The following TXNDC16 variants were observed in gnomAD, a reference collection of about 807,000 sequenced individuals.
TXNDC16 encodes the protein thioredoxin domain containing 16.
In TXNDC16, 74 loss-of-function variants were observed where a neutral mutation model predicts 85.6. The observed-to-expected ratio is 0.86, with a 90% CI of 0.72 to 1.05. The LOEUF (loss-of-function observed/expected upper bound fraction) is 1.05, where lower values mean the gene tolerates loss of function less well. TXNDC16 is among the 50% of genes least tolerant of loss of function. TXNDC16 has a pLI of 0.00. For missense variants in TXNDC16, 959 were observed against 947.0 expected (o/e 1.01, Z -0.17); for synonymous variants, 335 against 326.5 (o/e 1.03, Z -0.28).
At chr14:52,531,334 G>C (rs915284961) in intron 6 of TXNDC16, among the ~76,000 whole-genome samples, 1 of 152,110 alleles carries the variant, frequency 6.6e-6, no homozygotes, top group Non-Finnish European at 1.5e-5. Context: ...ACCCAAAGGA[G>C]TTGGAAACTT....
intron 16 of TXNDC16, among the ~76,000 whole-genome samples, chr14:52,459,232 A>G (rs2035601066): frequency 1.3e-5 from 2 of 152,256 alleles, no homozygotes; most frequent in Middle Eastern, 6.8e-3. Flanking sequence ...TCTGTTTTTT[A>G]GCTCTGTCAG....
At chr14:52,548,237 A>G (rs1413533365) in intron 1 of TXNDC16, among the ~76,000 whole-genome samples, 1 of 152,156 alleles carries the variant, frequency 6.6e-6, no homozygotes, top group Non-Finnish European at 1.5e-5. Context: ...AGACAAAATA[A>G]TCTGTTTTAA....
intron 18 of TXNDC16, among the ~76,000 whole-genome samples, chr14:52,443,603 C>T (rs2035213240): frequency 6.6e-6 from 1 of 152,078 alleles, no homozygotes; most frequent in South Asian, 2.1e-4. Flanking sequence ...TTAAAGCATA[C>T]ATAATATTTT....
intron 7 of TXNDC16, among the ~76,000 whole-genome samples, chr14:52,515,963 A>C (rs1041422637): frequency 1.3e-5 from 2 of 152,068 alleles, no homozygotes; most frequent in Non-Finnish European, 2.9e-5. Flanking sequence ...TCTTCACTAT[A>C]GTTTTAACTA....
intron 14 of TXNDC16, among the ~76,000 whole-genome samples, chr14:52,481,019 C>T (rs1415292022): frequency 6.8e-6 from 1 of 146,286 alleles, no homozygotes; most frequent in Non-Finnish European, 1.5e-5. Flanking sequence ...ACTACTCAGC[C>T]ACAAAAAGGA....
intron 18 of TXNDC16, among the ~76,000 whole-genome samples, chr14:52,444,033 A>G (rs2035224721): frequency 6.6e-6 from 1 of 152,226 alleles, no homozygotes; most frequent in South Asian, 2.1e-4. Context: ...GGAATAAATG[A>G]GACAGAGGAT....
intron 9 of TXNDC16, among the ~76,000 whole-genome samples, chr14:52,494,872 C>T (rs1315537713): frequency 6.6e-6 from 1 of 151,998 alleles, no homozygotes; most frequent in African/African-American, 2.4e-5. Flanking sequence ...AGTAAGATAA[C>T]CAAAATAATA....
intron 8 of TXNDC16, among the ~76,000 whole-genome samples, chr14:52,514,054 TGCTG>T (rs1301363653): frequency 2.8e-4 from 42 of 152,272 alleles, no homozygotes; most frequent in African/African-American, 8.4e-4. Flanking sequence ...GAAAAAGGAA[TGCTG>T]GTCAATGTCA....
At chr14:52,453,564 G>A (rs2035460493) in intron 18 of TXNDC16, among the ~76,000 whole-genome samples, 2 of 152,166 alleles carry the variant, frequency 1.3e-5, no homozygotes, top group Admixed American at 1.3e-4. Context: ...TGTTAAATTA[G>A]ATAAGCCAGG....
chr14:52,469,991 C>G, intron 16 of TXNDC16, 46 bp downstream of exon 16: 2 of 1,460,602 alleles, frequency 1.4e-6, no homozygotes, highest in Non-Finnish European at 1.8e-6. Flanking sequence ...AACTAGCAAG[C>G]AATGATATAC....
intron 18 of TXNDC16, among the ~76,000 whole-genome samples, chr14:52,442,921 G>C (rs2035199138): frequency 6.6e-6 from 1 of 152,130 alleles, no homozygotes; most frequent in Admixed American, 6.5e-5. Context: ...TAAGTATACA[G>C]ACTGCTATAA....
intron 6 of TXNDC16, among the ~76,000 whole-genome samples, chr14:52,533,206 CAT>C (rs924942888): frequency 6.6e-6 from 1 of 152,148 alleles, no homozygotes; most frequent in Non-Finnish European, 1.5e-5. Flanking sequence ...AAAGTAGACT[CAT>C]ATTCTGTAAA....
intron 4 of TXNDC16, among the ~76,000 whole-genome samples, chr14:52,540,194 A>G (rs1483845323): frequency 1.3e-5 from 2 of 152,232 alleles, no homozygotes; most frequent in Non-Finnish European, 2.9e-5. Context: ...TACGTAGCCC[A>G]TTTATATTTT....
intron 18 of TXNDC16, among the ~76,000 whole-genome samples, chr14:52,454,442 C>T (rs998852163): frequency 7.5e-6 from 1 of 132,792 alleles, no homozygotes; most frequent in East Asian, 2.2e-4. Flanking sequence ...AAAAAAAAAA[C>T]AAAAGCTCAT....
intron 6 of TXNDC16, among the ~76,000 whole-genome samples, chr14:52,522,069 A>C (rs1321722997): frequency 6.6e-6 from 1 of 152,240 alleles, no homozygotes; most frequent in Non-Finnish European, 1.5e-5. Context: ...ACAAGTCCAG[A>C]ATCACTCTTC....
Position 52,515,389 on chromosome 14 carries a change from T to C in TXNDC16, c.515-419A>G, listed in dbSNP as rs1049635545. ...AACAATAATTTTACAAGGCATATAATATACAACAAACTTGTGGTAGATTCT... is the reference window on the plus strand; with the variant it reads ...AACAATAATTTTACAAGGCATATAACATACAACAAACTTGTGGTAGATTCT... On this transcript the variant is annotated intron_variant, in intron 7 of 20. Transcript: ENST00000281741. Among the ~76,000 whole-genome samples, 12 of 151,956 alleles carry C rather than the reference T, an allele frequency of 7.9e-5. 1 individual carries two copies. The highest frequency in any genetic ancestry group is 1.3e-4 in the Non-Finnish European group (9 of 67,980).
At position 52,431,919 on chromosome 14, in the gene TXNDC16, A is replaced by G. The variant is rs913512348; in HGVS notation, c.*385T>C. 1 of 173,526 alleles carries G rather than the reference A, an allele frequency of 5.8e-6. No individual in the cohort carries two copies. Among genetic ancestry groups the G allele is most frequent in the African/African-American group, 2.4e-5 (1 of 41,734 alleles). The allele number at this position is 173,526 out of a possible 1,614,324, so 10.7% of individuals were successfully genotyped here. ...GTTTTTGTCTAGTACTGAACTGTCC[A>G]ATACAGTAGTCACAGGCCACATGTG... On this transcript the variant is annotated 3_prime_UTR_variant, in exon 21 of 21. Coordinates refer to ENST00000281741, the MANE Select transcript of TXNDC16 (RefSeq NM_020784.3).
chr14:52,528,845 A>ATATG (rs1555342191), intron 6 of TXNDC16, among the ~76,000 whole-genome samples: 4 of 146,080 alleles, frequency 2.7e-5, no homozygotes, highest in Non-Finnish European at 4.5e-5. Context: ...ATATATATAT[A>ATATG]TGTGTGTGTG....
intron 1 of TXNDC16, among the ~76,000 whole-genome samples, chr14:52,548,476 G>A (rs879834059): frequency 2.6e-5 from 4 of 152,154 alleles, no homozygotes; most frequent in Admixed American, 6.5e-5. Flanking sequence ...CTGGGAGGCA[G>A]ACGCAGTTTG....
Sources: gnomAD v4.1 joint callset for allele counts (sites outside exome capture counted in the v4.1 genomes callset) on GRCh38, gnomAD v4.1.1 for gene constraint, MANE v1.5 for transcripts, NCBI Gene and HGNC (gene_info 2026-07-23, HGNC 2026-07-21) for gene names.